The following PLGRKT variants were observed in gnomAD, a reference collection of about 807,000 sequenced individuals.
The protein encoded by PLGRKT is plasminogen receptor (KT).
PLGRKT carries 22 observed loss-of-function variants against 18.5 expected under a neutral mutation model. The ratio of observed to expected loss-of-function variants is 1.19; its 90% CI spans 0.85 to 1.70. The LOEUF is 1.70. Ranked by LOEUF, PLGRKT falls within the 40% of genes most tolerant of loss-of-function variation. The pLI is 0.00. For synonymous variants in PLGRKT, 72 were observed against 52.8 expected (o/e 1.36, Z -1.58); for missense variants, 235 against 174.4 (o/e 1.35, Z -1.96).
At position 5,358,374 on chromosome 9, in the gene PLGRKT, C is replaced by G; in HGVS notation, c.323-14G>C. Reference sequence around the variant, plus strand: ...CCTCAGCTTCACCTTAAATAAAGTACAGAAATACACAAGGTGACAAAGGGG... The same window carrying G: ...CCTCAGCTTCACCTTAAATAAAGTAGAGAAATACACAAGGTGACAAAGGGG... On this transcript the variant is annotated splice_polypyrimidine_tract_variant and intron_variant, in intron 5 of 5. Coordinates refer to ENST00000223864, the MANE Select transcript of PLGRKT (RefSeq NM_018465.4). 1 of 1,611,550 alleles carries G rather than the reference C, an allele frequency of 6.2e-7. No individual in the cohort carries two copies. The highest frequency in any genetic ancestry group is 8.5e-7 in the Non-Finnish European group (1 of 1,178,654).
intron 3 of PLGRKT, among the ~76,000 whole-genome samples, chr9:5,396,169 C>T (rs1818044752): frequency 6.6e-6 from 1 of 151,338 alleles, no homozygotes; most frequent in South Asian, 2.1e-4. Flanking sequence ...GCTGGGATTA[C>T]AGGCATGAAT....
chr9:5,404,408 C>A (rs1310003424), intron 3 of PLGRKT, among the ~76,000 whole-genome samples: 1 of 152,214 alleles, frequency 6.6e-6, no homozygotes. Context: ...ACCAGCAGCA[C>A]ATCAAAAAGC....
chr9:5,423,552 C>A (rs1818617315), intron 3 of PLGRKT, among the ~76,000 whole-genome samples: 1 of 151,908 alleles, frequency 6.6e-6, no homozygotes, highest in South Asian at 2.1e-4. Flanking sequence ...AGGCACTGAC[C>A]TTTTTTAAAG....
intron 3 of PLGRKT, among the ~76,000 whole-genome samples, chr9:5,419,851 C>T (rs1050827252): frequency 2.6e-5 from 4 of 152,174 alleles, no homozygotes; most frequent in African/African-American, 7.2e-5. Flanking sequence ...TACCATATGA[C>T]TCCGCAACTC....
At chr9:5,360,715 T>C (rs1021610276) in intron 5 of PLGRKT, among the ~76,000 whole-genome samples, 4 of 152,240 alleles carry the variant, frequency 2.6e-5, no homozygotes, top group Non-Finnish European at 5.9e-5. Flanking sequence ...AACCAGAGTA[T>C]GGATAATAGT....
At chr9:5,390,997 G>A (rs1198964326) in intron 3 of PLGRKT, among the ~76,000 whole-genome samples, 8 of 151,660 alleles carry the variant, frequency 5.3e-5, no homozygotes, top group African/African-American at 1.2e-4. Flanking sequence ...TGCACTATTC[G>A]GTCTCTCCAC....
chr9:5,429,572 T>G (rs976509096), intron 3 of PLGRKT, among the ~76,000 whole-genome samples: 2 of 152,252 alleles, frequency 1.3e-5, no homozygotes, highest in African/African-American at 4.8e-5. Context: ...ATTCACATTG[T>G]ATGGTCCCGG....
chr9:5,383,680 C>A (rs1817787516), intron 3 of PLGRKT, among the ~76,000 whole-genome samples: 1 of 152,100 alleles, frequency 6.6e-6, no homozygotes, highest in Non-Finnish European at 1.5e-5. Flanking sequence ...GAGCATGCAA[C>A]CTACATCCCT....
In PLGRKT at chr9:5,431,992, TA is replaced by T. The variant is rs755099610; in HGVS notation, c.-6-10del. 1.7e-5 allele frequency: 21 copies of T among 1,259,272 alleles called. No individual in the cohort carries two copies. Among genetic ancestry groups the T allele is most frequent in the Non-Finnish European group, 2.2e-5 (19 of 860,740 alleles). 78.0% of individuals were successfully genotyped at this position (1,259,272 alleles called of 1,614,324 possible). On this transcript the variant is annotated splice_polypyrimidine_tract_variant and intron_variant, in intron 2 of 5. Transcript: ENST00000223864. ...ATAAACCCCATTTTGACCTAAAATG[TA>T]AAAAAAGCAAGGAGACTTATAATAA...
intron 3 of PLGRKT, among the ~76,000 whole-genome samples, chr9:5,396,102 C>T (rs1818041927): frequency 6.6e-6 from 1 of 151,400 alleles, no homozygotes; most frequent in Non-Finnish European, 1.5e-5. Flanking sequence ...CCATGTGGGC[C>T]AGGCTGGTCT....
At chr9:5,403,266 C>G (rs1371120941) in intron 3 of PLGRKT, among the ~76,000 whole-genome samples, 2 of 150,112 alleles carry the variant, frequency 1.3e-5, no homozygotes, top group East Asian at 3.9e-4. Flanking sequence ...TCTTGTTGCC[C>G]AAGCTGGAGT....
In PLGRKT at chr9:5,382,786, G is replaced by A. The variant is rs76924622; in HGVS notation, c.82-20898C>T. ...GGAAGTGTCCACTTCAGACAGGCAG[G>A]TGCTGATGTTGCCTTGAAGTAGGAT... On this transcript the variant is annotated intron_variant, in intron 3 of 5. Transcript: ENST00000223864. Among the ~76,000 whole-genome samples the A allele has an allele frequency of 7.8e-3, 1,191 of 152,308 alleles. 17 individuals are homozygous for A. The highest frequency in any genetic ancestry group is 0.027 in the African/African-American group (1,113 of 41,558).
intron 3 of PLGRKT, among the ~76,000 whole-genome samples, chr9:5,427,876 C>A (rs1428978524): frequency 2.0e-5 from 3 of 152,074 alleles, no homozygotes; most frequent in Non-Finnish European, 4.4e-5. Context: ...AATGCTCTTG[C>A]CTAGATGGTG....
chr9:5,381,865 TC>T (rs1817753274), intron 3 of PLGRKT: 1 of 983,508 alleles, frequency 1.0e-6, no homozygotes. Flanking sequence ...TAACATACCT[TC>T]CTCACAGATC....
At chr9:5,363,757 C>T (rs896938227) in intron 3 of PLGRKT, among the ~76,000 whole-genome samples, 9 of 152,040 alleles carry the variant, frequency 5.9e-5, no homozygotes, top group African/African-American at 1.9e-4. Flanking sequence ...AAAAGATGAA[C>T]GGAGAAGGGG....
chr9:5,437,832 T>G lies in PLGRKT; in HGVS notation c.-176A>C, dbSNP rs1818992582. 6.6e-6 allele frequency: 1 copy of G among 152,202 alleles called. No individual in the cohort carries two copies. The highest frequency in any genetic ancestry group is 2.4e-5 in the African/African-American group (1 of 41,434). 9.4% of individuals were successfully genotyped at this position (152,202 alleles called of 1,614,324 possible). ...GGACCAGGCGACCGGTACGCAAACC[T>G]CCAGGCCCGGGCTCCTTTCGCCCGC... On this transcript the variant is annotated 5_prime_UTR_variant, in exon 1 of 6. Transcript: ENST00000223864.
At chr9:5,433,348 G>A (rs144585747) in intron 2 of PLGRKT, among the ~76,000 whole-genome samples, 63 of 149,520 alleles carry the variant, frequency 4.2e-4, no homozygotes, top group African/African-American at 1.4e-3. Flanking sequence ...ACCGCCCATC[G>A]TCTGGGGTGT....
chr9:5,364,133 G>T (rs1339473895), intron 3 of PLGRKT, among the ~76,000 whole-genome samples: 1 of 152,164 alleles, frequency 6.6e-6, no homozygotes, highest in Non-Finnish European at 1.5e-5. Context: ...ATTTTCAAAG[G>T]TCTAGTAACC....
intron 3 of PLGRKT, among the ~76,000 whole-genome samples, chr9:5,378,876 T>C (rs1198219659): frequency 1.3e-5 from 2 of 152,210 alleles, no homozygotes; most frequent in Non-Finnish European, 2.9e-5. Flanking sequence ...ACAAGCTTAA[T>C]ATGTGTGTAT....
Sources: allele counts gnomAD v4.1 joint callset (sites outside exome capture counted in the v4.1 genomes callset), GRCh38; gene constraint gnomAD v4.1.1; transcripts MANE v1.5; gene names NCBI Gene and HGNC (gene_info 2026-07-23, HGNC 2026-07-21).